The following ATXN7 variants were observed in gnomAD, a reference collection of about 807,000 sequenced individuals.
ATXN7 encodes the protein ataxin 7, also known as ataxin-7.
Under a neutral mutation model 70.5 loss-of-function variants are expected in ATXN7, and 12 were observed. That is an observed-to-expected ratio of 0.17 (90% CI 0.11 to 0.28). The LOEUF is 0.28. ATXN7 is among the 10% of genes least tolerant of loss of function. The pLI is 1.00. For missense variants in ATXN7, 1,256 were observed against 1,131.7 expected (o/e 1.11, Z -1.58); for synonymous variants, 498 against 448.7 (o/e 1.11, Z -1.39).
chr3:63,865,922 A>AAAAG (rs1702409203), intron 1 of ATXN7, among the ~76,000 whole-genome samples: 2 of 149,686 alleles, frequency 1.3e-5, no homozygotes, highest in Non-Finnish European at 3.0e-5. Context: ...AAAAAAAAAA[A>AAAAG]AAAGAAAGTA....
chr3:63,988,668 C>T (rs1325117720), intron 9 of ATXN7, among the ~76,000 whole-genome samples: 1 of 152,164 alleles, frequency 6.6e-6, no homozygotes, highest in Non-Finnish European at 1.5e-5. Flanking sequence ...AGCAGTTTCC[C>T]TTTCATTTGT....
Position 63,996,083 on chromosome 3 carries a change from A to G in ATXN7, c.2261A>G (p.His754Arg), listed in dbSNP as rs1487534094. The G allele has an allele frequency of 1.9e-6, 3 of 1,614,130 alleles. No homozygotes were observed. Among genetic ancestry groups the G allele is most frequent in the East Asian group, 2.2e-5 (1 of 44,864 alleles). Residue 754 changes from histidine (H) to arginine (R), a missense_variant, in exon 12 of 13, where the codon CAT becomes CGT. Physicochemically the swap from His to Arg is conservative, Grantham distance 29. Coordinates refer to ENST00000674280, the MANE Select transcript of ATXN7 (RefSeq NM_001377405.1). ...PPYPSTVTSS[H>R]SIGLNCVTNK... is the part of the protein sequence containing the mutation. ...TACCCCTCAACGGTAACATCTTCCCATAGCATCGGCCTCAACTGTGTGACG... is the reference window on the plus strand; with the variant it reads ...TACCCCTCAACGGTAACATCTTCCCGTAGCATCGGCCTCAACTGTGTGACG...
chr3:63,870,446 A>G (rs910420710), intron 1 of ATXN7, among the ~76,000 whole-genome samples: 1 of 152,166 alleles, frequency 6.6e-6, no homozygotes, highest in African/African-American at 2.4e-5. Flanking sequence ...TTTATTTAGC[A>G]TACTCTGCTT....
chr3:63,977,566 TAAG>T (rs2075408988), intron 5 of ATXN7, among the ~76,000 whole-genome samples: 1 of 152,236 alleles, frequency 6.6e-6, no homozygotes, highest in Non-Finnish European at 1.5e-5. Context: ...GTTTATATAA[TAAG>T]CTTATTGAAC....
At chr3:63,918,239 A>G (rs1252862041) in intron 4 of ATXN7, among the ~76,000 whole-genome samples, 1 of 152,216 alleles carries the variant, frequency 6.6e-6, no homozygotes, top group African/African-American at 2.4e-5. Flanking sequence ...CTCAGTAAAC[A>G]CAGACTGAGT....
chr3:63,921,722 G>A (rs1475710416), intron 4 of ATXN7, among the ~76,000 whole-genome samples: 1 of 152,188 alleles, frequency 6.6e-6, no homozygotes, highest in Admixed American at 6.5e-5. Flanking sequence ...TCAAATCTAA[G>A]ATCTAGTAGG....
chr3:63,990,710 A>C (rs2075657231), intron 10 of ATXN7, 28 bp from the exon 11 acceptor site: 1 of 1,614,010 alleles, frequency 6.2e-7, no homozygotes, highest in East Asian at 2.2e-5. Flanking sequence ...GGGAGTCAGC[A>C]AGCACGCGGC....
intron 5 of ATXN7, among the ~76,000 whole-genome samples, chr3:63,978,166 T>C (rs2075422899): frequency 6.6e-6 from 1 of 152,152 alleles, no homozygotes; most frequent in Non-Finnish European, 1.5e-5. Context: ...GGATGCCTAG[T>C]CCACACCCCA....
At chr3:63,866,839 A>T (rs975732046) in intron 1 of ATXN7, 3 of 152,218 alleles carry the variant, frequency 2.0e-5, no homozygotes, top group African/African-American at 7.2e-5. Flanking sequence ...CTTCTTTTCA[A>T]GACAGATCTT....
chr3:63,868,558 G>A (rs1702502710), intron 1 of ATXN7, among the ~76,000 whole-genome samples: 1 of 152,088 alleles, frequency 6.6e-6, no homozygotes, highest in Non-Finnish European at 1.5e-5. Context: ...TGTTTTTTAA[G>A]AAAAAGATTT....
chr3:63,896,360 T>C (rs1467858992), intron 1 of ATXN7, among the ~76,000 whole-genome samples: 1 of 152,218 alleles, frequency 6.6e-6, no homozygotes, highest in African/African-American at 2.4e-5. Context: ...TCAAGTTTAA[T>C]GATTCTAAGA....
intron 8 of ATXN7, among the ~76,000 whole-genome samples, chr3:63,983,681 T>C (rs2075526262): frequency 6.6e-6 from 1 of 152,182 alleles, no homozygotes; most frequent in Non-Finnish European, 1.5e-5. Flanking sequence ...TGTAATGGTC[T>C]TCCTTTTTGC....
chr3:63,936,836 C>T (rs1278276289), intron 4 of ATXN7, among the ~76,000 whole-genome samples: 1 of 152,172 alleles, frequency 6.6e-6, no homozygotes, highest in African/African-American at 2.4e-5. Context: ...TTCTACTCAG[C>T]CCATATTTTG....
At chr3:63,974,488 C>T (rs1176704912) in intron 5 of ATXN7, among the ~76,000 whole-genome samples, 1 of 152,258 alleles carries the variant, frequency 6.6e-6, no homozygotes, top group Admixed American at 6.5e-5. Context: ...TGTGCTTTCA[C>T]CCAGGTGCTG....
intron 3 of ATXN7, 88 bp from the exon 4 acceptor site, chr3:63,913,069 A>C (rs1704120008): frequency 6.9e-7 from 1 of 1,458,178 alleles, no homozygotes; most frequent in Non-Finnish European, 9.5e-7. Flanking sequence ...GGAGGTGCCC[A>C]CACCTACCCC....
intron 4 of ATXN7, among the ~76,000 whole-genome samples, chr3:63,934,818 A>G (rs1292091424): frequency 6.6e-6 from 1 of 152,232 alleles, no homozygotes; most frequent in Non-Finnish European, 1.5e-5. Context: ...AGAGTTTCTC[A>G]GTCTCAACAC....
intron 5 of ATXN7, among the ~76,000 whole-genome samples, chr3:63,957,215 G>A (rs2075054765): frequency 6.6e-6 from 1 of 152,198 alleles, no homozygotes. Flanking sequence ...TATTACCTAG[G>A]AGAAATAGAT....
chr3:63,978,591 A>C (rs1431535704), intron 5 of ATXN7, among the ~76,000 whole-genome samples: 1 of 152,252 alleles, frequency 6.6e-6, no homozygotes, highest in Non-Finnish European at 1.5e-5. Context: ...TTCCTTATAC[A>C]CAGCTTTCAT....
chr3:63,891,011 A>AT lies in ATXN7; in HGVS notation c.-110-7385dup, dbSNP rs1428365759. Among the ~76,000 whole-genome samples, 7 of 151,716 alleles carry AT rather than the reference A, an allele frequency of 4.6e-5. No homozygotes were observed. In the East Asian group the frequency reaches 5.8e-4, roughly 13 times the overall value. The stretch of plus-strand genomic sequence containing the variant: ...TTTTTATTTTATTTTATTTTATTTT[A>AT]TTTATTTGTTTATTTTGAGACAGAG... On this transcript the variant is annotated intron_variant, in intron 1 of 12. Transcript: ENST00000674280.
Sources: allele counts gnomAD v4.1 joint callset (sites outside exome capture counted in the v4.1 genomes callset), GRCh38; gene constraint gnomAD v4.1.1; transcripts MANE v1.5; gene names NCBI Gene and HGNC (gene_info 2026-07-23, HGNC 2026-07-21).